The following PRKAA2 variants were observed in gnomAD, a reference collection of about 807,000 sequenced individuals.
PRKAA2 encodes the protein protein kinase AMP-activated catalytic subunit alpha 2.
Under a neutral mutation model 56.3 loss-of-function variants are expected in PRKAA2, and 40 were observed. That is an observed-to-expected ratio of 0.71 (90% CI 0.55 to 0.92). The LOEUF is 0.92. Among genes scored for constraint, PRKAA2 ranks in the 40% least tolerant of loss-of-function variants. PRKAA2 has a pLI of 0.00. For missense variants in PRKAA2, 542 were observed against 686.9 expected (o/e 0.79, Z 2.36); for synonymous variants, 214 against 234.2 (o/e 0.91, Z 0.79).
chr1:56,655,632 A>T (rs1232257743), intron 1 of PRKAA2, among the ~76,000 whole-genome samples: 1 of 152,060 alleles, frequency 6.6e-6, no homozygotes, highest in Non-Finnish European at 1.5e-5. Context: ...ATTAGGCCCC[A>T]TCTCCAACAT....
chr1:56,709,012 G>C lies in PRKAA2; in HGVS notation c.*1299G>C, dbSNP rs1256174122. 1 of 151,750 alleles carries C rather than the reference G, an allele frequency of 6.6e-6. No individual in the cohort carries two copies. The highest frequency in any genetic ancestry group is 1.5e-5 in the Non-Finnish European group (1 of 67,960). 9.4% of individuals were successfully genotyped at this position (151,750 alleles called of 1,614,324 possible). On this transcript the variant is annotated 3_prime_UTR_variant, in exon 9 of 9. Transcript: ENST00000371244. The stretch of plus-strand genomic sequence containing the variant: ...ACAAACTATAGCAGGGTAGATAATA[G>C]TTTATTGATTATATTTTGTTTTAGT...
Position 56,692,315 on chromosome 1 carries a change from C to T in PRKAA2, c.331-43C>T, listed in dbSNP as rs950307297. ...GATTACAGGCATGAGCCACTGTGCC[C>T]AGCCCCAGATATTCTTAATGCAGTT... On this transcript the variant is annotated intron_variant, in intron 3 of 8. Coordinates refer to ENST00000371244, the MANE Select transcript of PRKAA2 (RefSeq NM_006252.4). The T allele has an allele frequency of 2.5e-6, 4 of 1,611,350 alleles. No individual in the cohort carries two copies. In the African/African-American group the frequency reaches 4.0e-5, roughly 16 times the overall value.
In PRKAA2 at chr1:56,675,530, C is replaced by G. The variant is rs115374219; in HGVS notation, c.236+1008C>G. ...AAGTCACAGAGCTGGTAGTTGAGGT[C>G]AAGCCTGATTCCAAATGCCATGCTG... is the stretch of plus-strand genomic sequence containing the variant. On this transcript the variant is annotated intron_variant, in intron 2 of 8. Coordinates refer to ENST00000371244, the MANE Select transcript of PRKAA2 (RefSeq NM_006252.4). 6.0e-3 allele frequency among the ~76,000 whole-genome samples: 912 copies of G among 152,264 alleles called. 5 individuals are homozygous for G. Among genetic ancestry groups the G allele is most frequent in the African/African-American group, 0.021 (870 of 41,554 alleles).
chr1:56,692,768 A>G (rs1442472114), intron 4 of PRKAA2, among the ~76,000 whole-genome samples: 1 of 151,984 alleles, frequency 6.6e-6, no homozygotes, highest in African/African-American at 2.4e-5. Flanking sequence ...TCTCCTAAGG[A>G]AATGATGCAT....
intron 1 of PRKAA2, among the ~76,000 whole-genome samples, chr1:56,670,252 G>C (rs1298839870): frequency 6.6e-6 from 1 of 152,156 alleles, no homozygotes; most frequent in Non-Finnish European, 1.5e-5. Context: ...ATTCAGCTTT[G>C]AGTGACAGAA....
At chr1:56,691,928 A>G (rs1295297101) in intron 3 of PRKAA2, among the ~76,000 whole-genome samples, 1 of 149,660 alleles carries the variant, frequency 6.7e-6, no homozygotes, top group African/African-American at 2.5e-5. Flanking sequence ...TGGTTGGTTT[A>G]TTTTGTCTGA....
intron 1 of PRKAA2, among the ~76,000 whole-genome samples, chr1:56,649,567 T>G (rs1290778175): frequency 6.6e-6 from 1 of 152,196 alleles, no homozygotes; most frequent in African/African-American, 2.4e-5. Context: ...GATAGTTAGA[T>G]AAATGGTTAT....
chr1:56,683,341 T>C (rs972498840), intron 2 of PRKAA2, among the ~76,000 whole-genome samples: 5 of 152,136 alleles, frequency 3.3e-5, no homozygotes, highest in African/African-American at 1.2e-4. Flanking sequence ...TGTAGCTCCA[T>C]AATGACATTT....
At chr1:56,668,858 T>C (rs1644055216) in intron 1 of PRKAA2, among the ~76,000 whole-genome samples, 1 of 152,182 alleles carries the variant, frequency 6.6e-6, no homozygotes, top group South Asian at 2.1e-4. Context: ...GTAAAACGAT[T>C]GTGTATTTAT....
chr1:56,692,973 T>C (rs1221547412), intron 4 of PRKAA2, among the ~76,000 whole-genome samples: 1 of 152,144 alleles, frequency 6.6e-6, no homozygotes, highest in Admixed American at 6.5e-5. Context: ...TCTAATAACT[T>C]GATTAGAGAA....
chr1:56,669,014 T>A (rs1294237699), intron 1 of PRKAA2, among the ~76,000 whole-genome samples: 1 of 152,178 alleles, frequency 6.6e-6, no homozygotes, highest in East Asian at 1.9e-4. Context: ...TGTGGAATGA[T>A]CCTCAGGGAT....
In PRKAA2 at chr1:56,704,555, G is replaced by C. The variant is rs1644318888; in HGVS notation, c.1293+80G>C. 2.7e-6 allele frequency: 4 copies of C among 1,467,752 alleles called. No homozygotes were observed. In the Admixed American group the frequency reaches 9.1e-5, roughly 33 times the overall value. The allele number at this position is 1,467,752 out of a possible 1,614,324, so 90.9% of individuals were successfully genotyped here. On this transcript the variant is annotated intron_variant, in intron 7 of 8. Transcript: ENST00000371244. Reference sequence around the variant, plus strand: ...AAGCTGCTCTGAGCTCCTGAGTTGAGTATTAAGCCCAACTTTTTCTAGTAA... The same window carrying C: ...AAGCTGCTCTGAGCTCCTGAGTTGACTATTAAGCCCAACTTTTTCTAGTAA...
At chr1:56,666,183 T>C (rs1644034684) in intron 1 of PRKAA2, among the ~76,000 whole-genome samples, 1 of 152,188 alleles carries the variant, frequency 6.6e-6, no homozygotes, top group Non-Finnish European at 1.5e-5. Context: ...GCATTTTTTT[T>C]CCATACAGTA....
At chr1:56,684,030 T>A (rs1336285560) in intron 2 of PRKAA2, among the ~76,000 whole-genome samples, 1 of 152,178 alleles carries the variant, frequency 6.6e-6, no homozygotes, top group African/African-American at 2.4e-5. Flanking sequence ...TGGCTTGAAA[T>A]ACAGCATAGT....
chr1:56,705,401 T>C (rs1313600232), intron 7 of PRKAA2, among the ~76,000 whole-genome samples: 4 of 151,534 alleles, frequency 2.6e-5, no homozygotes, highest in Admixed American at 2.0e-4. Context: ...GTTTATTTTT[T>C]GTTGTTGTTG....
chr1:56,703,947 A>G lies in PRKAA2; in HGVS notation c.789-24A>G, dbSNP rs1457244023. 3.2e-6 allele frequency: 5 copies of G among 1,570,770 alleles called. No homozygotes were observed. The East Asian group carries it at 1.1e-4, about 35-fold the overall frequency. The stretch of plus-strand genomic sequence containing the variant: ...GACTTGCCAAACCATGTCTTACAAT[A>G]ATGTATTGTGGTGTTTTTCCTAGAG... On this transcript the variant is annotated intron_variant, in intron 6 of 8. Transcript: ENST00000371244.
At chr1:56,665,059 G>A (rs1313487344) in intron 1 of PRKAA2, among the ~76,000 whole-genome samples, 4 of 149,934 alleles carry the variant, frequency 2.7e-5, no homozygotes, top group Admixed American at 6.7e-5. Flanking sequence ...TTGGATATCC[G>A]CTCTAGCTAG....
intron 1 of PRKAA2, among the ~76,000 whole-genome samples, chr1:56,669,853 T>C (rs76727987): frequency 2.6e-5 from 4 of 152,368 alleles, no homozygotes; most frequent in African/African-American, 4.8e-5. Context: ...AGTCTGTTAG[T>C]TGAAGGAGAG....
At chr1:56,665,075 A>C (rs1441110088) in intron 1 of PRKAA2, among the ~76,000 whole-genome samples, 1 of 134,050 alleles carries the variant, frequency 7.5e-6, no homozygotes. Flanking sequence ...GCTAGTTCCT[A>C]TCTTTTTTTT....
Sources: gnomAD v4.1 joint callset for allele counts (sites outside exome capture counted in the v4.1 genomes callset) on GRCh38, gnomAD v4.1.1 for gene constraint, MANE v1.5 for transcripts, NCBI Gene and HGNC (gene_info 2026-07-23, HGNC 2026-07-21) for gene names.